Variants in DYNC1I1 observed in about 807,000 individuals in gnomAD.
DYNC1I1 encodes the protein dynein cytoplasmic 1 intermediate chain 1, also known as cytoplasmic dynein 1 intermediate chain 1.
In DYNC1I1, 43 loss-of-function variants were observed where a neutral mutation model predicts 86.6. The observed-to-expected ratio is 0.50, with a 90% CI of 0.39 to 0.64. The LOEUF is 0.64. Ranked by LOEUF, DYNC1I1 falls within the 30% of genes least tolerant of loss-of-function variation. DYNC1I1 has a pLI of 0.00. For synonymous variants in DYNC1I1, 262 were observed against 283.7 expected, an observed-to-expected ratio of 0.92 and a Z score of 0.77; for missense variants, 604 against 788.8, an observed-to-expected ratio of 0.77 and a Z score of 2.81.
intron 5 of DYNC1I1, among the ~76,000 whole-genome samples, chr7:95,848,806 G>A (rs767529085): frequency 1.3e-5 from 2 of 152,036 alleles, no homozygotes; most frequent in Non-Finnish European, 2.9e-5. Flanking sequence ...CATTTATACT[G>A]TTTGCCATAA....
Position 95,800,574 on chromosome 7 carries a change from G to A in DYNC1I1, c.-9-4147G>A, listed in dbSNP as rs550659671. 4.6e-5 allele frequency among the ~76,000 whole-genome samples: 7 copies of A among 152,310 alleles called. No individual in the cohort carries two copies. In the South Asian group the frequency reaches 1.5e-3, roughly 32 times the overall value. On this transcript the variant is annotated intron_variant, in intron 1 of 16. Coordinates refer to ENST00000447467, the MANE Select transcript of DYNC1I1 (RefSeq NM_001135556.2). ...AGTGCAACTGATTGCAGTGGATGGG[G>A]CTGGGGAGAGACTGAGCTGTGATTG...
At chr7:95,957,084 A>T (rs1792735587) in intron 6 of DYNC1I1, among the ~76,000 whole-genome samples, 1 of 152,160 alleles carries the variant, frequency 6.6e-6, no homozygotes, top group Admixed American at 6.5e-5. Flanking sequence ...GATATTTCTT[A>T]GCTCTAAAAA....
intron 5 of DYNC1I1, among the ~76,000 whole-genome samples, chr7:95,829,121 A>C (rs1461228909): frequency 6.6e-6 from 1 of 152,164 alleles, no homozygotes; most frequent in Non-Finnish European, 1.5e-5. Flanking sequence ...ATCCCAAACC[A>C]GGCATTTATT....
intron 9 of DYNC1I1, among the ~76,000 whole-genome samples, chr7:95,991,347 C>T (rs1428704745): frequency 6.6e-6 from 1 of 152,160 alleles, no homozygotes. Flanking sequence ...TTCTTCTTCA[C>T]TGTATTGGTC....
intron 1 of DYNC1I1, among the ~76,000 whole-genome samples, chr7:95,777,460 C>A (rs943463643): frequency 4.5e-4 from 69 of 152,216 alleles, no homozygotes; most frequent in African/African-American, 1.6e-3. Flanking sequence ...GGAACACTGA[C>A]TTGCTTCTAA....
chr7:96,090,107 T>C (rs1584314432), intron 16 of DYNC1I1, among the ~76,000 whole-genome samples: 2 of 152,140 alleles, frequency 1.3e-5, no homozygotes, highest in East Asian at 3.9e-4. Flanking sequence ...AAATAGATTG[T>C]TCCAAATAGT....
intron 1 of DYNC1I1, among the ~76,000 whole-genome samples, chr7:95,795,567 C>T (rs35501780): frequency 0.2 from 29,968 of 152,028 alleles, 3,112 homozygotes; most frequent in East Asian, 0.27. Flanking sequence ...TAAAAAAGAA[C>T]GAGATCATGT....
intron 5 of DYNC1I1, among the ~76,000 whole-genome samples, chr7:95,858,074 C>A (rs1026255006): frequency 2.6e-5 from 4 of 152,080 alleles, no homozygotes; most frequent in African/African-American, 9.7e-5. Flanking sequence ...AGTCTAGTTG[C>A]CTTCAATGAA....
chr7:96,100,650 T>TTGTGTGTGTG (rs57129262), downstream of DYNC1I1, among the ~76,000 whole-genome samples: 15,173 of 142,816 alleles, frequency 0.11, 956 homozygotes, highest in East Asian at 0.19. Context: ...TTTGAGGGTT[T>TTGTGTGTGTG]TGTGTGTGTG....
At chr7:96,039,716 C>G (rs181017706) in intron 14 of DYNC1I1, among the ~76,000 whole-genome samples, 24 of 152,274 alleles carry the variant, frequency 1.6e-4, no homozygotes, top group African/African-American at 5.5e-4. Context: ...CACAACACCC[C>G]CTTCACTGCC....
At chr7:95,775,832 C>A (rs191596675) in intron 1 of DYNC1I1, among the ~76,000 whole-genome samples, 4 of 152,310 alleles carry the variant, frequency 2.6e-5, no homozygotes, top group South Asian at 2.1e-4. Context: ...CTCCTGGGAA[C>A]TGTGCTGGAA....
chr7:96,019,849 C>T (rs1209096826), intron 10 of DYNC1I1, among the ~76,000 whole-genome samples: 3 of 152,194 alleles, frequency 2.0e-5, no homozygotes, highest in African/African-American at 4.8e-5. Flanking sequence ...CTCTGGACCA[C>T]TTACAGTGTT....
chr7:96,093,769 T>G (rs531676054), intron 16 of DYNC1I1, among the ~76,000 whole-genome samples: 2 of 152,164 alleles, frequency 1.3e-5, no homozygotes, highest in African/African-American at 2.4e-5. Context: ...TTGAAGTTTT[T>G]TTTTTTAATG....
At position 95,888,469 on chromosome 7, in the gene DYNC1I1, G is replaced by A. The variant is rs907014340; in HGVS notation, c.490+18471G>A. Among the ~76,000 whole-genome samples, 3 of 152,100 alleles carry A rather than the reference G, an allele frequency of 2.0e-5. No individual in the cohort carries two copies. In the East Asian group the frequency reaches 5.8e-4, roughly 29 times the overall value. On this transcript the variant is annotated intron_variant, in intron 6 of 16. Coordinates refer to ENST00000447467, the MANE Select transcript of DYNC1I1 (RefSeq NM_001135556.2). ...ATAAGAAGAAGAAACAAAATTAAAG[G>A]TACTTTTGTTATTGGCTCAGAAAAA... is the stretch of plus-strand genomic sequence containing the variant.
At chr7:96,027,652 G>A (rs1157850441) in intron 10 of DYNC1I1, among the ~76,000 whole-genome samples, 1 of 152,170 alleles carries the variant, frequency 6.6e-6, no homozygotes, top group Non-Finnish European at 1.5e-5. Flanking sequence ...TCTGAGGTCA[G>A]TATACTTCCT....
chr7:96,028,279 G>A lies in DYNC1I1; in HGVS notation c.1074G>A (p.Arg358=). 1.2e-6 allele frequency: 2 copies of A among 1,613,834 alleles called. No homozygotes were observed. Among genetic ancestry groups the A allele is most frequent in the Non-Finnish European group, 1.7e-6 (2 of 1,179,808 alleles). Residue 358 remains arginine (R), a synonymous_variant, in exon 11 of 17, where the codon AGG becomes AGA. Transcript: ENST00000447467. Reference sequence around the variant, plus strand: ...TCTGGGACAATCGCAGTCATCGAAGGACTCCAGTGCAGCGGACACCCTTAT... The same window carrying A: ...TCTGGGACAATCGCAGTCATCGAAGAACTCCAGTGCAGCGGACACCCTTAT... ...IVLWDNRSHR[R]TPVQRTPLSA...
chr7:95,805,862 A>G (rs1794691040), intron 2 of DYNC1I1, among the ~76,000 whole-genome samples: 1 of 152,214 alleles, frequency 6.6e-6, no homozygotes, highest in South Asian at 2.1e-4. Flanking sequence ...TACAATCTAA[A>G]TAAGTGTTGT....
intron 6 of DYNC1I1, among the ~76,000 whole-genome samples, chr7:95,886,492 A>G (rs1351886471): frequency 2.0e-5 from 3 of 152,112 alleles, no homozygotes; most frequent in Non-Finnish European, 2.9e-5. Context: ...CAAAAGAAAA[A>G]AAAAATTAAG....
intron 6 of DYNC1I1, among the ~76,000 whole-genome samples, chr7:95,913,139 C>A (rs1791381374): frequency 6.6e-6 from 1 of 152,126 alleles, no homozygotes; most frequent in African/African-American, 2.4e-5. Context: ...TGGTTAGGAG[C>A]CAGAGCCTAG....
Sources: gnomAD v4.1 joint callset for allele counts (sites outside exome capture counted in the v4.1 genomes callset) on GRCh38, gnomAD v4.1.1 for gene constraint, MANE v1.5 for transcripts, NCBI Gene and HGNC (gene_info 2026-07-23, HGNC 2026-07-21) for gene names.